Variants in MYBL2 observed in about 807,000 individuals in gnomAD.
The protein encoded by MYBL2 is myb-related protein B.
In MYBL2, 28 loss-of-function variants were observed where a neutral mutation model predicts 79.9. The observed-to-expected ratio is 0.35, with a 90% confidence interval of 0.26 to 0.48. The LOEUF (loss-of-function observed/expected upper bound fraction) is 0.48. Among genes scored for constraint, MYBL2 ranks in the 20% least tolerant of loss-of-function variants. The pLI, the probability that MYBL2 is intolerant of heterozygous loss-of-function variation, is 0.99. For missense variants in MYBL2, 735 were observed against 893.9 expected (o/e 0.82, Z 2.27); for synonymous variants, 378 against 361.2 (o/e 1.05, Z -0.53).
At chr20:43,699,198 C>A (rs1987627247) in intron 6 of MYBL2, among the ~76,000 whole-genome samples, 1 of 151,732 alleles carries the variant, frequency 6.6e-6, no homozygotes, top group Non-Finnish European at 1.5e-5. Context: ...GCCACCACAC[C>A]TGGCTAATTT....
At chr20:43,668,511 C>G (rs991297099) in intron 1 of MYBL2, among the ~76,000 whole-genome samples, 1 of 151,894 alleles carries the variant, frequency 6.6e-6, no homozygotes, top group South Asian at 2.1e-4. Flanking sequence ...AACTTCGGTC[C>G]CTCTTTAGAC....
intron 6 of MYBL2, among the ~76,000 whole-genome samples, chr20:43,697,538 G>C (rs1378454197): frequency 1.3e-5 from 2 of 152,074 alleles, no homozygotes; most frequent in Admixed American, 6.6e-5. Flanking sequence ...CTGAACCTGG[G>C]AGGTGGAGGT....
chr20:43,716,421 G>A lies in MYBL2; in HGVS notation c.*334G>A. On this transcript the variant is annotated 3_prime_UTR_variant, in exon 14 of 14. Transcript: ENST00000217026. ...CTTAGGATGGGGGATGTGGCCAGGG[G>A]TGCTCCTGTGCTCACCCTCTCTTGG... The A allele has an allele frequency of 3.0e-6, 1 of 334,528 alleles. No individual in the cohort carries two copies. The highest frequency in any genetic ancestry group is 4.1e-5 in the South Asian group (1 of 24,124). The allele number at this position is 334,528 out of a possible 1,614,324, so 20.7% of individuals were successfully genotyped here.
intron 1 of MYBL2, among the ~76,000 whole-genome samples, chr20:43,669,553 A>G (rs896112337): frequency 2.6e-5 from 4 of 152,204 alleles, no homozygotes; most frequent in African/African-American, 9.6e-5. Context: ...TTGAAGGGCA[A>G]AAGGTAGGGT....
intron 10 of MYBL2, among the ~76,000 whole-genome samples, chr20:43,710,841 T>TG (rs1987888819): frequency 6.6e-6 from 1 of 152,214 alleles, no homozygotes; most frequent in Non-Finnish European, 1.5e-5. Context: ...CCTTTCCTGT[T>TG]GCAGTGGAGA....
At chr20:43,707,197 A>T (rs564058437) in intron 9 of MYBL2, among the ~76,000 whole-genome samples, 256 of 148,592 alleles carry the variant, frequency 1.7e-3, no homozygotes, top group African/African-American at 5.6e-3. Flanking sequence ...TTTTTTTTTA[A>T]AAAAAAAAGA....
intron 3 of MYBL2, 34 bp downstream of exon 3, chr20:43,681,889 G>T (rs1278534388): frequency 6.2e-7 from 1 of 1,607,152 alleles, no homozygotes; most frequent in Admixed American, 1.7e-5. Flanking sequence ...CTCCCTCGGG[G>T]CAAGGGCTCT....
chr20:43,673,719 G>T (rs1206665494), intron 1 of MYBL2, 87 bp from the exon 2 acceptor site: 1 of 1,280,962 alleles, frequency 7.8e-7, no homozygotes, highest in East Asian at 2.3e-5. Flanking sequence ...CCTTTCCCTA[G>T]GGTGGGCTGG....
chr20:43,687,456 C>G (rs778334193), intron 5 of MYBL2, among the ~76,000 whole-genome samples: 1 of 152,056 alleles, frequency 6.6e-6, no homozygotes, highest in South Asian at 2.1e-4. Flanking sequence ...AGAAAATGAT[C>G]AAAAATCAGG....
intron 4 of MYBL2, among the ~76,000 whole-genome samples, chr20:43,684,731 G>A (rs575226845): frequency 6.6e-6 from 1 of 151,726 alleles, no homozygotes; most frequent in Admixed American, 6.6e-5. Context: ...CCTGTAGTTG[G>A]GAGGCTGAGT....
At position 43,687,084 on chromosome 20, in the gene MYBL2, TC is replaced by T. The variant is rs766492900; in HGVS notation, c.500+13del. The T allele has an allele frequency of 6.2e-7, 1 of 1,610,636 alleles. No homozygotes were observed. The highest frequency in any genetic ancestry group is 1.1e-5 in the South Asian group (1 of 90,810). ...ATGTTGCCAGGGAGGTAAGCTGTCT[TC>T]TTGGGGGTTGGGACAGGTTCCCGGG... On this transcript the variant is annotated intron_variant, in intron 5 of 13. Coordinates refer to ENST00000217026, the MANE Select transcript of MYBL2 (RefSeq NM_002466.4).
intron 6 of MYBL2, among the ~76,000 whole-genome samples, chr20:43,693,728 T>A (rs1377388476): frequency 1.3e-5 from 2 of 152,328 alleles, no homozygotes; most frequent in African/African-American, 4.8e-5. Flanking sequence ...TTATATTTTT[T>A]AGCTATATCT....
chr20:43,680,530 C>T (rs747095566), intron 2 of MYBL2, among the ~76,000 whole-genome samples: 2 of 152,256 alleles, frequency 1.3e-5, no homozygotes, highest in South Asian at 4.1e-4. Context: ...CTCACTCTTG[C>T]TCTGTTGCCG....
At chr20:43,678,490 G>A (rs1317719537) in intron 2 of MYBL2, among the ~76,000 whole-genome samples, 1 of 152,114 alleles carries the variant, frequency 6.6e-6, no homozygotes, top group African/African-American at 2.4e-5. Context: ...AAGATGGAAG[G>A]TTTTTAATGC....
At chr20:43,667,446 C>T (rs941533713) in intron 1 of MYBL2, 143 bp downstream of exon 1, 2 of 558,448 alleles carry the variant, frequency 3.6e-6, no homozygotes, top group Admixed American at 4.8e-5. Flanking sequence ...CGCGGAAATG[C>T]TGCGTCCTGG....
chr20:43,687,218 C>A, intron 5 of MYBL2, 146 bp downstream of exon 5: 1 of 803,282 alleles, frequency 1.2e-6, no homozygotes, highest in Non-Finnish European at 1.9e-6. Flanking sequence ...CAGAGGCATG[C>A]ATAGTCAGGA....
In MYBL2 at chr20:43,716,100, G is replaced by A. The variant is rs532017652; in HGVS notation, c.*13G>A. 3 of 1,603,874 alleles carry A rather than the reference G, an allele frequency of 1.9e-6. No homozygotes were observed. In the South Asian group the frequency reaches 3.3e-5, roughly 18 times the overall value. On this transcript the variant is annotated 3_prime_UTR_variant, in exon 14 of 14. Coordinates refer to ENST00000217026, the MANE Select transcript of MYBL2 (RefSeq NM_002466.4). The stretch of plus-strand genomic sequence containing the variant: ...CATCTTGTCCTGAGGTGTTGAGGGT[G>A]TCACGAGCCCATTCTCATGTTTACA...
At chr20:43,710,927 G>A (rs1987890755) in intron 10 of MYBL2, among the ~76,000 whole-genome samples, 1 of 152,196 alleles carries the variant, frequency 6.6e-6, no homozygotes, top group Non-Finnish European at 1.5e-5. Flanking sequence ...CTTGGCAGCT[G>A]TAATTAAAGT....
chr20:43,678,789 G>A (rs1234115310), intron 2 of MYBL2, among the ~76,000 whole-genome samples: 10 of 149,904 alleles, frequency 6.7e-5, no homozygotes, highest in African/African-American at 2.2e-4. Context: ...ACCCAGAGGC[G>A]GAAGTTGCAG....
Sources: gnomAD v4.1 joint callset for allele counts (sites outside exome capture counted in the v4.1 genomes callset) on GRCh38, gnomAD v4.1.1 for gene constraint, MANE v1.5 for transcripts, NCBI Gene and HGNC (gene_info 2026-07-23, HGNC 2026-07-21) for gene names.